NXPE2: variants seen among roughly 807,000 people sequenced by gnomAD.
NXPE2 encodes the protein neurexophilin and PC-esterase domain family member 2.
In NXPE2, 34 loss-of-function variants were observed where a neutral mutation model predicts 34.4. The ratio of observed to expected loss-of-function variants is 0.99; its 90% CI spans 0.75 to 1.31. The LOEUF (loss-of-function observed/expected upper bound fraction) is 1.31. Among genes scored for constraint, NXPE2 ranks in the 40% most tolerant of loss-of-function variants. The pLI is 0.00. For synonymous variants in NXPE2, 235 were observed against 231.3 expected (o/e 1.02, Z -0.15); for missense variants, 649 against 672.5 (o/e 0.97, Z 0.39).
chr11:114,550,879 A>G, the NXPE2 span, among the ~76,000 whole-genome samples: 1 of 152,164 alleles, frequency 6.6e-6, no homozygotes, highest in Non-Finnish European at 1.5e-5. Flanking sequence ...AGCGTGTGCA[A>G]GGTCAAATCC....
chr11:114,485,602 TTATTTATCCACTG>T, the NXPE2 span, among the ~76,000 whole-genome samples: 1 of 152,020 alleles, frequency 6.6e-6, no homozygotes, highest in Admixed American at 6.6e-5. Context: ...ATAATAAATC[TTATTTATCCACTG>T]TATTTTTGTA....
At chr11:114,748,701 T>G in the NXPE2 span, among the ~76,000 whole-genome samples, 1 of 152,308 alleles carries the variant, frequency 6.6e-6, no homozygotes, top group East Asian at 1.9e-4. Context: ...TGACACAGAT[T>G]CCAATTTTTT....
chr11:114,790,939 C>T, the NXPE2 span, among the ~76,000 whole-genome samples: 2 of 141,472 alleles, frequency 1.4e-5, no homozygotes, highest in African/African-American at 5.1e-5. Flanking sequence ...CACATGCCCT[C>T]CTGACCTCTA....
the NXPE2 span, among the ~76,000 whole-genome samples, chr11:114,653,394 T>A: frequency 2.0e-5 from 3 of 152,026 alleles, no homozygotes; most frequent in African/African-American, 7.2e-5. Context: ...AAACCATCTA[T>A]TTTTTTTCTC....
chr11:114,705,646 G>A, intron 4 of NXPE2, 135 bp from the exon 5 acceptor site: 1 of 532,172 alleles, frequency 1.9e-6, no homozygotes, highest in East Asian at 3.3e-5. Context: ...AATATTTGTG[G>A]AAGAGAGGAA....
At chr11:114,530,436 G>C in the NXPE2 span, 1 of 1,614,236 alleles carries the variant, frequency 6.2e-7, no homozygotes, top group Non-Finnish European at 8.5e-7. Flanking sequence ...CCTCCAGAGA[G>C]CCGACGCCCC....
the NXPE2 span, among the ~76,000 whole-genome samples, chr11:114,733,827 C>A: frequency 6.6e-6 from 1 of 152,220 alleles, no homozygotes; most frequent in Admixed American, 6.5e-5. Context: ...CCTCCAGAGC[C>A]ATGGCACCTT....
At chr11:114,730,181 T>C in the NXPE2 span, among the ~76,000 whole-genome samples, 1 of 151,878 alleles carries the variant, frequency 6.6e-6, no homozygotes, top group East Asian at 1.9e-4. Context: ...GTTCCTTTTT[T>C]TGTTGAATTT....
the NXPE2 span, among the ~76,000 whole-genome samples, chr11:114,540,721 T>G: frequency 6.6e-6 from 1 of 151,526 alleles, no homozygotes; most frequent in Non-Finnish European, 1.5e-5. Context: ...CAAGTTTTGG[T>G]GGGAAGATGA....
the NXPE2 span, among the ~76,000 whole-genome samples, chr11:114,532,748 T>C: frequency 6.6e-6 from 1 of 152,156 alleles, no homozygotes; most frequent in Non-Finnish European, 1.5e-5. Context: ...CATATAAAAG[T>C]ATATAGGTAG....
At chr11:114,693,159 C>T (rs570287660) in intron 2 of NXPE2, among the ~76,000 whole-genome samples, 2 of 152,268 alleles carry the variant, frequency 1.3e-5, no homozygotes, top group East Asian at 3.9e-4. Context: ...TTTGTCAGGC[C>T]TTTTAAAAAT....
chr11:114,479,525 A>G, the NXPE2 span, among the ~76,000 whole-genome samples: 3 of 152,172 alleles, frequency 2.0e-5, no homozygotes, highest in African/African-American at 7.2e-5. Flanking sequence ...GACTTGAGTA[A>G]TGGGCTGGGT....
At chr11:114,580,292 G>A in the NXPE2 span, 1 of 1,614,030 alleles carries the variant, frequency 6.2e-7, no homozygotes, top group South Asian at 1.1e-5. Context: ...TGGGGATTGT[G>A]GATGTCATTC....
the NXPE2 span, among the ~76,000 whole-genome samples, chr11:114,784,442 C>T: frequency 5.9e-5 from 9 of 152,266 alleles, no homozygotes; most frequent in African/African-American, 1.7e-4. Context: ...CAGCTGTCTG[C>T]GGCAAAGATG....
At chr11:114,641,194 A>G in the NXPE2 span, among the ~76,000 whole-genome samples, 4 of 152,020 alleles carry the variant, frequency 2.6e-5, no homozygotes, top group African/African-American at 9.7e-5. Context: ...AGAAATAATC[A>G]AGAAGGAATA....
the NXPE2 span, chr11:114,583,620 A>T: frequency 1.7e-6 from 1 of 593,452 alleles, no homozygotes; most frequent in Non-Finnish European, 3.3e-6. Flanking sequence ...AGTGCTGTGA[A>T]ACTTAATGAG....
chr11:114,806,746 A>G, the NXPE2 span, among the ~76,000 whole-genome samples: 4 of 151,756 alleles, frequency 2.6e-5, no homozygotes, highest in Admixed American at 2.6e-4. Flanking sequence ...GGGAGAATGG[A>G]ACCAAGTTGG....
chr11:114,696,102 T>C (rs1257650555), intron 2 of NXPE2, among the ~76,000 whole-genome samples: 2 of 151,890 alleles, frequency 1.3e-5, no homozygotes, highest in East Asian at 1.9e-4. Context: ...TTTGGGATGC[T>C]GAGACTGGCA....
chr11:114,545,837 C>T, the NXPE2 span, among the ~76,000 whole-genome samples: 1 of 151,974 alleles, frequency 6.6e-6, no homozygotes, highest in African/African-American at 2.4e-5. Context: ...TACAGGGGCA[C>T]ACCACCACGC....
Sources: allele counts gnomAD v4.1 joint callset (sites outside exome capture counted in the v4.1 genomes callset), GRCh38; gene constraint gnomAD v4.1.1; transcripts MANE v1.5; gene names NCBI Gene and HGNC (gene_info 2026-07-23, HGNC 2026-07-21).